BLK: variants seen among roughly 807,000 people sequenced by gnomAD.
The protein encoded by BLK is tyrosine-protein kinase Blk.
A neutral mutation model predicts 61.8 loss-of-function variants in BLK; 64 were observed. The observed-to-expected ratio is 1.03, with a 90% CI of 0.85 to 1.27. The LOEUF (loss-of-function observed/expected upper bound fraction) is 1.27, where lower values mean the gene tolerates loss of function less well. Ranked by LOEUF, BLK falls within the 50% of genes most tolerant of loss-of-function variation. BLK has a pLI of 0.00. For synonymous variants in BLK, 351 were observed against 272.0 expected (o/e 1.29, Z -2.86); for missense variants, 853 against 660.5 (o/e 1.29, Z -3.19).
At chr8:11,509,144 C>T (rs945405406) in intron 1 of BLK, 1 of 151,968 alleles carries the variant, frequency 6.6e-6, no homozygotes, top group East Asian at 1.9e-4. Flanking sequence ...GCTACCCCTC[C>T]TTTAGGTTAC....
intron 1 of BLK, among the ~76,000 whole-genome samples, chr8:11,506,864 C>T (rs1165547237): frequency 2.6e-5 from 4 of 152,198 alleles, no homozygotes; most frequent in Admixed American, 2.0e-4. Flanking sequence ...ACTTGAGACG[C>T]GGTTGCCCAA....
intron 1 of BLK, among the ~76,000 whole-genome samples, chr8:11,519,281 A>G (rs2618450): frequency 0.75 from 114,361 of 152,134 alleles, 43,280 homozygotes; most frequent in East Asian, 0.97. Flanking sequence ...TGGGGCTGCT[A>G]GGAGCCAACA....
At chr8:11,522,567 G>A (rs531759337) in intron 1 of BLK, among the ~76,000 whole-genome samples, 2 of 152,116 alleles carry the variant, frequency 1.3e-5, no homozygotes, top group Non-Finnish European at 2.9e-5. Flanking sequence ...GCAAAACAGG[G>A]AATGTATGAG....
intron 1 of BLK, among the ~76,000 whole-genome samples, chr8:11,531,080 TC>T (rs1486354732): frequency 2.6e-5 from 4 of 152,200 alleles, no homozygotes; most frequent in Non-Finnish European, 5.9e-5. Flanking sequence ...TAGTTGCCAT[TC>T]CCCTAATGAC....
At chr8:11,499,278 C>A (rs1199798859) in intron 1 of BLK, among the ~76,000 whole-genome samples, 3 of 152,204 alleles carry the variant, frequency 2.0e-5, no homozygotes, top group Non-Finnish European at 4.4e-5. Flanking sequence ...TGCCACAGAG[C>A]CTAGGGGTGG....
At chr8:11,511,365 GC>G (rs1383211169) in intron 1 of BLK, among the ~76,000 whole-genome samples, 1 of 151,976 alleles carries the variant, frequency 6.6e-6, no homozygotes. Flanking sequence ...AATGGGTGCA[GC>G]ACACCAACAT....
chr8:11,516,563 T>G (rs11781400), intron 1 of BLK, among the ~76,000 whole-genome samples: 39,469 of 152,166 alleles, frequency 0.26, 6,015 homozygotes, highest in Middle Eastern at 0.36. Context: ...ATATCTGTTA[T>G]AGCAGCCCTG....
intron 1 of BLK, among the ~76,000 whole-genome samples, chr8:11,501,848 C>A (rs577276111): frequency 6.6e-6 from 1 of 152,194 alleles, no homozygotes; most frequent in African/African-American, 2.4e-5. Flanking sequence ...GTGCCATGAG[C>A]GGCTTCTTTG....
At chr8:11,549,409 G>C (rs1800803773) in intron 5 of BLK, among the ~76,000 whole-genome samples, 3 of 152,328 alleles carry the variant, frequency 2.0e-5, no homozygotes, top group African/African-American at 7.2e-5. Flanking sequence ...GGCCTCGAAG[G>C]CTACCAGGGA....
intron 4 of BLK, 114 bp from the exon 5 acceptor site, chr8:11,548,910 C>G (rs1012929985): frequency 2.0e-5 from 19 of 941,096 alleles, no homozygotes; most frequent in Non-Finnish European, 3.2e-5. Context: ...TACTCTCTAC[C>G]CCTGCGGATT....
At chr8:11,496,884 A>C (rs1001316465) in intron 1 of BLK, among the ~76,000 whole-genome samples, 4 of 152,148 alleles carry the variant, frequency 2.6e-5, no homozygotes, top group African/African-American at 9.7e-5. Context: ...AGGGGACTCA[A>C]AGGGCCAGAT....
intron 1 of BLK, among the ~76,000 whole-genome samples, chr8:11,508,255 C>T (rs923843407): frequency 6.6e-6 from 1 of 152,232 alleles, no homozygotes; most frequent in Non-Finnish European, 1.5e-5. Flanking sequence ...TAAGCACATG[C>T]TGGGAAATCA....
chr8:11,537,786 T>C (rs118023637), intron 1 of BLK, among the ~76,000 whole-genome samples: 4,609 of 152,360 alleles, frequency 0.03, 121 homozygotes, highest in Non-Finnish European at 0.048. Flanking sequence ...CATGTCATGC[T>C]AGCCAAGTGC....
At chr8:11,559,711 C>T (rs1801398016) in intron 10 of BLK, 1 of 455,254 alleles carries the variant, frequency 2.2e-6, no homozygotes, top group Non-Finnish European at 4.4e-6. Context: ...CAGCCAGATG[C>T]CACCGGTTCC....
At chr8:11,537,982 C>A (rs1800205915) in intron 1 of BLK, among the ~76,000 whole-genome samples, 2 of 152,220 alleles carry the variant, frequency 1.3e-5, no homozygotes, top group South Asian at 4.2e-4. Context: ...TTTCCCACTT[C>A]CCCTCCTCTT....
At chr8:11,561,524 C>G (rs746313966) in intron 11 of BLK, 72 bp downstream of exon 11, 18 of 1,563,812 alleles carry the variant, frequency 1.2e-5, no homozygotes, top group Non-Finnish European at 1.2e-5. Context: ...CCGCCTTTAA[C>G]TTCTCCCAGC....
intron 1 of BLK, among the ~76,000 whole-genome samples, chr8:11,516,530 C>T (rs1379626699): frequency 1.3e-5 from 2 of 152,184 alleles, no homozygotes; most frequent in African/African-American, 4.8e-5. Flanking sequence ...CATTTTCTAT[C>T]TTCTCCCATT....
intron 1 of BLK, among the ~76,000 whole-genome samples, chr8:11,530,145 C>A (rs1411609856): frequency 1.3e-5 from 2 of 152,144 alleles, no homozygotes; most frequent in South Asian, 4.2e-4. Context: ...GCCATATAGG[C>A]TCTTTTTTTC....
At chr8:11,528,814 G>A (rs921522856) in intron 1 of BLK, among the ~76,000 whole-genome samples, 1 of 147,076 alleles carries the variant, frequency 6.8e-6, no homozygotes, top group African/African-American at 2.6e-5. Context: ...AGTGGATGGA[G>A]GTGGAAGGCA....
Sources: allele counts gnomAD v4.1 joint callset (sites outside exome capture counted in the v4.1 genomes callset), GRCh38; gene constraint gnomAD v4.1.1; transcripts MANE v1.5; gene names NCBI Gene and HGNC (gene_info 2026-07-23, HGNC 2026-07-21).